The following MAP2 variants were observed in gnomAD, a reference collection of about 807,000 sequenced individuals.
MAP2 encodes microtubule associated protein 2, also known as microtubule-associated protein 2.
A neutral mutation model predicts 137.6 loss-of-function variants in MAP2; 14 were observed. The observed-to-expected ratio is 0.10, with a 90% confidence interval of 0.07 to 0.16. MAP2 has a LOEUF of 0.16. MAP2 is among the 10% of genes least tolerant of loss of function. The pLI, the probability that MAP2 is intolerant of heterozygous loss-of-function variation, is 1.00. For missense variants in MAP2, 2,088 were observed against 2,191.5 expected (o/e 0.95, Z 0.94); for synonymous variants, 786 against 782.3 (o/e 1.00, Z -0.08).
rs139781978 is a variant in MAP2, at chr2:209,504,524, TAA to T, written c.-221-3066_-221-3065del. On this transcript the variant is annotated intron_variant, in intron 1 of 15. Transcript: ENST00000682079. ...GGCAACTAGTGAACCACTTTCTCTT[TAA>T]AGAGTTGTTAAGTGGCAATATCATC... Among the ~76,000 whole-genome samples the T allele has an allele frequency of 6.0e-3, 919 of 152,308 alleles. 6 individuals carry two copies. Among genetic ancestry groups the T allele is most frequent in the African/African-American group, 0.021 (864 of 41,564 alleles).
chr2:209,683,719 G>A (rs1281709755), intron 7 of MAP2, among the ~76,000 whole-genome samples: 1 of 151,932 alleles, frequency 6.6e-6, no homozygotes, highest in Admixed American at 6.6e-5. Context: ...CTTATCTAGG[G>A]GATTATTTAC....
intron 4 of MAP2, among the ~76,000 whole-genome samples, chr2:209,642,264 C>G (rs1292360272): frequency 2.6e-5 from 4 of 151,652 alleles, no homozygotes; most frequent in Non-Finnish European, 5.9e-5. Context: ...AGACCCATCT[C>G]TTGGTGGTGG....
chr2:209,730,479 AT>A lies in MAP2; in HGVS notation c.*84del. 1.1e-6 allele frequency: 1 copy of A among 903,726 alleles called. No homozygotes were observed. Among genetic ancestry groups the A allele is most frequent in the Non-Finnish European group, 1.7e-6 (1 of 576,202 alleles). 56.0% of individuals were successfully genotyped at this position (903,726 alleles called of 1,614,324 possible). ...TGGGCTCTGAGCAGTTGTTATATTCATTCTTTATAAACCATAAAATAAATAA... is the reference window on the plus strand; with the variant it reads ...TGGGCTCTGAGCAGTTGTTATATTCATCTTTATAAACCATAAAATAAATAA... On this transcript the variant is annotated 3_prime_UTR_variant, in exon 16 of 16. Coordinates refer to ENST00000682079, the MANE Select transcript of MAP2 (RefSeq NM_001375505.1).
chr2:209,527,915 T>C (rs2064325637), intron 2 of MAP2, among the ~76,000 whole-genome samples: 2 of 152,210 alleles, frequency 1.3e-5, no homozygotes, highest in African/African-American at 4.8e-5. Context: ...GGCTTTGTTT[T>C]TAACTTTTCA....
intron 3 of MAP2, among the ~76,000 whole-genome samples, chr2:209,616,468 C>T (rs1461603252): frequency 6.6e-6 from 1 of 152,180 alleles, no homozygotes; most frequent in Non-Finnish European, 1.5e-5. Context: ...TTCATTAACT[C>T]ATTCATTAGA....
chr2:209,610,830 T>G (rs1033356202), intron 3 of MAP2, among the ~76,000 whole-genome samples: 4 of 152,216 alleles, frequency 2.6e-5, no homozygotes, highest in African/African-American at 9.6e-5. Flanking sequence ...AGCTAATGCC[T>G]AATTCTTTAG....
chr2:209,529,431 A>G (rs1220345133), intron 2 of MAP2, among the ~76,000 whole-genome samples: 1 of 152,184 alleles, frequency 6.6e-6, no homozygotes, highest in Non-Finnish European at 1.5e-5. Flanking sequence ...TGAACCTGTC[A>G]GATGAGGAAC....
chr2:209,651,658 GT>G (rs1204681260), intron 4 of MAP2, among the ~76,000 whole-genome samples: 1 of 152,072 alleles, frequency 6.6e-6, no homozygotes, highest in Non-Finnish European at 1.5e-5. Flanking sequence ...TTCAATCAAT[GT>G]TTTAAAACCT....
intron 1 of MAP2, among the ~76,000 whole-genome samples, chr2:209,424,695 G>GCA (rs1322579927): frequency 6.6e-6 from 1 of 152,218 alleles, no homozygotes; most frequent in Non-Finnish European, 1.5e-5. Context: ...TCATCCAGCT[G>GCA]CAGAGAACTG....
intron 1 of MAP2, among the ~76,000 whole-genome samples, chr2:209,505,865 C>G (rs928254709): frequency 6.6e-6 from 1 of 151,552 alleles, no homozygotes; most frequent in Non-Finnish European, 1.5e-5. Context: ...CCAGCTACTA[C>G]GGAGGCTGAG....
intron 14 of MAP2, among the ~76,000 whole-genome samples, 159 bp from the exon 15 acceptor site, chr2:209,729,691 G>C (rs545166147): frequency 1.6e-4 from 24 of 152,158 alleles, no homozygotes; most frequent in Non-Finnish European, 3.4e-4. Flanking sequence ...AATGATATGG[G>C]CTAGAAATTC....
intron 11 of MAP2, chr2:209,704,031 T>G (rs2062588065): frequency 2.2e-6 from 1 of 455,232 alleles, no homozygotes; most frequent in Non-Finnish European, 4.4e-6. Flanking sequence ...TACGTGATGC[T>G]GAGGTTTGAG....
At chr2:209,627,891 A>G (rs955703786) in intron 4 of MAP2, among the ~76,000 whole-genome samples, 11 of 152,170 alleles carry the variant, frequency 7.2e-5, no homozygotes, top group Admixed American at 2.0e-4. Context: ...AGCCATGCCA[A>G]TTCAATTAAA....
At chr2:209,602,317 T>C (rs1024428195) in intron 3 of MAP2, among the ~76,000 whole-genome samples, 1 of 152,202 alleles carries the variant, frequency 6.6e-6, no homozygotes, top group Non-Finnish European at 1.5e-5. Flanking sequence ...ATTTTTCTCT[T>C]CAAATATATT....
At chr2:209,676,936 T>C (rs955356901) in intron 5 of MAP2, among the ~76,000 whole-genome samples, 1 of 151,344 alleles carries the variant, frequency 6.6e-6, no homozygotes, top group Non-Finnish European at 1.5e-5. Context: ...CTAAAATAAT[T>C]CTTTTTGTAA....
rs1272075814 is a variant in MAP2 at position 209,704,335 on chromosome 2, G to A, written c.4585-1245G>A. Reference sequence around the variant, plus strand: ...ATCATTGATTATAACCATTTATCATGTGTTCTTATTAAAAAGACTTTGAGT... The same window carrying A: ...ATCATTGATTATAACCATTTATCATATGTTCTTATTAAAAAGACTTTGAGT... On this transcript the variant is annotated intron_variant, in intron 11 of 15. Coordinates refer to ENST00000682079, the MANE Select transcript of MAP2 (RefSeq NM_001375505.1). 39 of 774,704 alleles carry A rather than the reference G, an allele frequency of 5.0e-5. 1 individual carries two copies. The East Asian group carries it at 9.5e-4, about 19-fold the overall frequency. 48.0% of individuals were successfully genotyped at this position (774,704 alleles called of 1,614,324 possible). A position where few individuals can be genotyped will look rare whatever the true frequency, so the allele number is the denominator to read the frequency against.
At chr2:209,665,659 A>G (rs1433364491) in intron 5 of MAP2, among the ~76,000 whole-genome samples, 1 of 152,136 alleles carries the variant, frequency 6.6e-6, no homozygotes, top group Non-Finnish European at 1.5e-5. Flanking sequence ...AATGCCCTTT[A>G]TTTTCTCTAT....
intron 1 of MAP2, among the ~76,000 whole-genome samples, chr2:209,435,976 A>G (rs1695953905): frequency 1.8e-5 from 2 of 111,744 alleles, no homozygotes; most frequent in South Asian, 4.8e-4. Context: ...TATATATAAT[A>G]TATACAGTAT....
At chr2:209,599,473 T>C (rs986058305) in intron 3 of MAP2, among the ~76,000 whole-genome samples, 5 of 152,196 alleles carry the variant, frequency 3.3e-5, no homozygotes, top group Non-Finnish European at 7.3e-5. Flanking sequence ...TTGCACCTTC[T>C]CCTTTTAATT....
Sources: gnomAD v4.1 joint callset for allele counts (sites outside exome capture counted in the v4.1 genomes callset) on GRCh38, gnomAD v4.1.1 for gene constraint, MANE v1.5 for transcripts, NCBI Gene and HGNC (gene_info 2026-07-23, HGNC 2026-07-21) for gene names.